Variants in CCDC93 observed in about 807,000 individuals in gnomAD.
CCDC93 encodes the protein coiled-coil domain-containing protein 93.
Under a neutral mutation model 108.2 loss-of-function variants are expected in CCDC93, and 61 were observed. The observed-to-expected ratio is 0.56, with a 90% CI of 0.46 to 0.70. CCDC93 has a LOEUF of 0.70. Among genes scored for constraint, CCDC93 ranks in the 30% least tolerant of loss-of-function variants. The pLI is 0.00. For missense variants in CCDC93, 685 were observed against 764.2 expected (o/e 0.90, Z 1.22); for synonymous variants, 276 against 260.4 (o/e 1.06, Z -0.58).
rs1029256438 is a variant in CCDC93 at position 117,928,873 on chromosome 2, A to G, written c.1842+2164T>C. Among the ~76,000 whole-genome samples, 75 of 152,336 alleles carry G rather than the reference A, an allele frequency of 4.9e-4. No individual in the cohort carries two copies. The Middle Eastern group carries it at 0.01, about 21-fold the overall frequency. Reference sequence around the variant, plus strand: ...TTGGAACCAAGCCAAATGTCCAACAATGATAGACTGGATTAAGAAAATGTG... The same window carrying G: ...TTGGAACCAAGCCAAATGTCCAACAGTGATAGACTGGATTAAGAAAATGTG... On this transcript the variant is annotated intron_variant, in intron 23 of 23. Transcript: ENST00000376300.
intron 1 of CCDC93, among the ~76,000 whole-genome samples, chr2:118,013,278 A>G (rs1336775294): frequency 1.3e-5 from 2 of 152,226 alleles, no homozygotes; most frequent in Non-Finnish European, 2.9e-5. Context: ...CCTCTTCTGG[A>G]GAAGCCGCAG....
At chr2:117,947,289 TTAAG>T (rs1678902675) in intron 15 of CCDC93, among the ~76,000 whole-genome samples, 2 of 152,180 alleles carry the variant, frequency 1.3e-5, no homozygotes, top group Non-Finnish European at 2.9e-5. Context: ...TCCTTGGCCC[TTAAG>T]TAAGATCTAG....
intron 5 of CCDC93, 46 bp downstream of exon 5, chr2:117,996,218 C>T: frequency 7.9e-7 from 1 of 1,268,216 alleles, no homozygotes; most frequent in Non-Finnish European, 1.2e-6. Flanking sequence ...CTTAAGTGTG[C>T]ACTCTGTTTC....
In CCDC93 at chr2:117,915,613, T is replaced by C. The variant is rs2104685084; in HGVS notation, c.*4730A>G. The C allele has an allele frequency of 1.3e-5, 2 of 152,318 alleles. No individual in the cohort carries two copies. The highest frequency in any genetic ancestry group is 1.3e-4 in the Admixed American group (2 of 15,300). The allele number at this position is 152,318 out of a possible 1,614,324, so 9.4% of individuals were successfully genotyped here. A position where few individuals can be genotyped will look rare whatever the true frequency, so the allele number is the denominator to read the frequency against. ...TTTTTTAATAGATAATACATGTACA[T>C]GGTACAAAATTCAAAAGGTACAAAA... On this transcript the variant is annotated 3_prime_UTR_variant, in exon 24 of 24. Transcript: ENST00000376300.
intron 4 of CCDC93, chr2:117,999,175 C>A (rs1214254115): frequency 6.6e-6 from 1 of 152,134 alleles, no homozygotes; most frequent in East Asian, 1.9e-4. Context: ...TAGAAAGCGA[C>A]CAACTTGAAC....
chr2:117,947,260 C>T (rs992435100), intron 15 of CCDC93, among the ~76,000 whole-genome samples: 2 of 152,154 alleles, frequency 1.3e-5, no homozygotes, highest in Admixed American at 1.3e-4. Flanking sequence ...TCATCAAGTA[C>T]CTCCTCCACT....
At chr2:118,011,813 G>A (rs560291453) in intron 1 of CCDC93, among the ~76,000 whole-genome samples, 1 of 152,148 alleles carries the variant, frequency 6.6e-6, no homozygotes, top group Non-Finnish European at 1.5e-5. Flanking sequence ...TATAACTTGT[G>A]AAGTAATTTT....
In CCDC93 at chr2:117,948,182, G is replaced by A. The variant is rs115155883; in HGVS notation, c.1147C>T (p.Leu383=). 13,959 of 1,610,762 alleles carry A rather than the reference G, an allele frequency of 8.7e-3. 84 individuals are homozygous for A. Among genetic ancestry groups the A allele is most frequent in the Non-Finnish European group, 0.011 (12,557 of 1,177,654 alleles). The change falls in exon 15 of 24, where the codon CTA becomes TTA. Residue 383 remains leucine, a synonymous_variant. Transcript: ENST00000376300. ...GCTACAAGTGCTCTCAGGTTCTGTA[G>A]GATACTGAAGAGAAAAGACAAAAAA... ...KIESKADPSI[L]QNLRALVAMN...
chr2:117,918,474 A>G lies in CCDC93; in HGVS notation c.*1869T>C, dbSNP rs923399296. 2 of 152,246 alleles carry G rather than the reference A, an allele frequency of 1.3e-5. No individual in the cohort carries two copies. The highest frequency in any genetic ancestry group is 2.9e-5 in the Non-Finnish European group (2 of 68,052). The allele number at this position is 152,246 out of a possible 1,614,324, so 9.4% of individuals were successfully genotyped here. On this transcript the variant is annotated 3_prime_UTR_variant, in exon 24 of 24. Transcript: ENST00000376300. ...CATGCCATACTTTCCCCATCAGCAC[A>G]GAGGTGGACTCCAGTAACCCCAGAA...
At chr2:117,945,235 G>A (rs539068643) in intron 17 of CCDC93, among the ~76,000 whole-genome samples, 10 of 152,262 alleles carry the variant, frequency 6.6e-5, no homozygotes, top group East Asian at 5.8e-4. Flanking sequence ...CAGCATATGC[G>A]GCCAACGCAG....
At chr2:117,950,084 C>G in intron 13 of CCDC93, 1 of 985,476 alleles carries the variant, frequency 1.0e-6, no homozygotes, top group Non-Finnish European at 1.2e-6. Flanking sequence ...CGACCCAGAA[C>G]ATCAGTTACT....
rs1400137996 is a variant in CCDC93 at position 117,951,326 on chromosome 2, G to T, written c.1068+1047C>A. 9.1e-6 allele frequency: 9 copies of T among 985,228 alleles called. No homozygotes were observed. The African/African-American group carries it at 1.6e-4, about 17-fold the overall frequency. 61.0% of individuals were successfully genotyped at this position (985,228 alleles called of 1,614,324 possible). A position where few individuals can be genotyped will look rare whatever the true frequency, so the allele number is the denominator to read the frequency against. On this transcript the variant is annotated intron_variant, in intron 13 of 23. Coordinates refer to ENST00000376300, the MANE Select transcript of CCDC93 (RefSeq NM_019044.5). ...TAATCTGTCCAAAGGCAAGGCAGGC[G>T]TCTTTATGAACAATGAGAAAAAAAT...
intron 13 of CCDC93, chr2:117,951,587 G>A (rs960621034): frequency 9.0e-6 from 9 of 999,950 alleles, no homozygotes; most frequent in Admixed American, 6.1e-5. Context: ...CTTCCAAATC[G>A]TCCAGGAAGT....
intron 6 of CCDC93, among the ~76,000 whole-genome samples, chr2:117,993,530 T>G (rs573687530): frequency 2.0e-5 from 3 of 152,022 alleles, no homozygotes; most frequent in African/African-American, 7.3e-5. Context: ...GTACAGAGAT[T>G]ATAGGAAAAA....
intron 22 of CCDC93, among the ~76,000 whole-genome samples, chr2:117,931,932 T>G (rs1475741554): frequency 6.6e-6 from 1 of 152,192 alleles, no homozygotes; most frequent in African/African-American, 2.4e-5. Context: ...CATGGCAAAG[T>G]CACTGCTCTC....
intron 20 of CCDC93, 43 bp downstream of exon 20, chr2:117,938,986 A>G: frequency 9.6e-7 from 1 of 1,046,424 alleles, no homozygotes; most frequent in Non-Finnish European, 1.5e-6. Context: ...AGTCAACTGC[A>G]CTGTTAGCTG....
At chr2:117,959,683 A>T (rs1404530484) in intron 11 of CCDC93, among the ~76,000 whole-genome samples, 3 of 152,256 alleles carry the variant, frequency 2.0e-5, no homozygotes, top group Non-Finnish European at 2.9e-5. Context: ...AGCTGCATAA[A>T]ATGGTAAGAA....
At chr2:117,956,287 G>A (rs1679212544) in intron 12 of CCDC93, among the ~76,000 whole-genome samples, 1 of 152,192 alleles carries the variant, frequency 6.6e-6, no homozygotes, top group Non-Finnish European at 1.5e-5. Flanking sequence ...CAGTATGCTT[G>A]AAAAATAACA....
chr2:117,961,660 A>T (rs532015053), intron 11 of CCDC93, among the ~76,000 whole-genome samples: 1 of 152,362 alleles, frequency 6.6e-6, no homozygotes, highest in South Asian at 2.1e-4. Flanking sequence ...TCCGTAAACC[A>T]GCAGGTCTCA....
Sources: gnomAD v4.1 joint callset for allele counts (sites outside exome capture counted in the v4.1 genomes callset) on GRCh38, gnomAD v4.1.1 for gene constraint, MANE v1.5 for transcripts, NCBI Gene and HGNC (gene_info 2026-07-23, HGNC 2026-07-21) for gene names.